KITLG: variants seen among roughly 807,000 people sequenced by gnomAD.
KITLG encodes c-Kit ligand.
Under a neutral mutation model 34.1 loss-of-function variants are expected in KITLG, and 13 were observed. That is an observed-to-expected ratio of 0.38 (90% CI 0.25 to 0.61). The LOEUF (loss-of-function observed/expected upper bound fraction) is 0.61. Ranked by LOEUF, KITLG falls within the 20% of genes least tolerant of loss-of-function variation. The pLI is 0.60. For synonymous variants in KITLG, 110 were observed against 104.0 expected, an observed-to-expected ratio of 1.06 and a Z score of -0.35; for missense variants, 292 against 318.9, an observed-to-expected ratio of 0.92 and a Z score of 0.64.
rs1869251744 is a variant in KITLG at position 88,510,889 on chromosome 12, A to G, written c.605-3752T>C. ...CCCCCTTTGTGCTACACCTAAAAAC[A>G]TTTGCATAATTCTATTATGATACAT... is the stretch of plus-strand genomic sequence containing the variant. On this transcript the variant is annotated intron_variant, in intron 6 of 9. Transcript: ENST00000644744. 2.6e-5 allele frequency among the ~76,000 whole-genome samples: 4 copies of G among 152,154 alleles called. No homozygotes were observed. In the South Asian group the frequency reaches 8.3e-4, roughly 31 times the overall value.
chr12:88,568,066 T>C (rs921705680), intron 1 of KITLG, among the ~76,000 whole-genome samples: 1 of 149,568 alleles, frequency 6.7e-6, no homozygotes, highest in East Asian at 2.0e-4. Context: ...GGCCTCTGAA[T>C]GGACAGTATA....
At chr12:88,500,873 G>A (rs1868825362) in intron 9 of KITLG, among the ~76,000 whole-genome samples, 2 of 152,154 alleles carry the variant, frequency 1.3e-5, no homozygotes, top group South Asian at 2.1e-4. Context: ...TCAACCTCTC[G>A]GGCTCAGGCA....
Position 88,545,789 on chromosome 12 carries a change from T to G in KITLG, c.92A>C (p.Asn31Thr), listed in dbSNP as rs1870699752. The change falls in exon 2 of 10, where the codon AAT becomes ACT. Residue 31 changes from asparagine to threonine, a missense_variant. Transcript: ENST00000644744. ...GTCTTTTACATTATTAGTCACACGATTCCTGCAGATCCCTTCAGTTTTGAC... is the reference window on the plus strand; with the variant it reads ...GTCTTTTACATTATTAGTCACACGAGTCCTGCAGATCCCTTCAGTTTTGAC... The part of the protein sequence containing the change: ...PLVKTEGICR[N>T]RVTNNVKDVT... 1 of 1,610,766 alleles carries G rather than the reference T, an allele frequency of 6.2e-7. No individual in the cohort carries two copies. Among genetic ancestry groups the G allele is most frequent in the Non-Finnish European group, 8.5e-7 (1 of 1,177,198 alleles).
chr12:88,494,693 A>C lies in KITLG; in HGVS notation c.*2526T>G, dbSNP rs147601058. The C allele has an allele frequency of 4.8e-3, 727 of 152,478 alleles. 7 individuals carry two copies. The highest frequency in any genetic ancestry group is 0.017 in the African/African-American group (713 of 41,542). The allele number at this position is 152,478 out of a possible 1,614,324, so 9.4% of individuals were successfully genotyped here. On this transcript the variant is annotated 3_prime_UTR_variant, in exon 10 of 10. Transcript: ENST00000644744. ...CCTGGTTTCTACCAAAGAGGTGCAA[A>C]GCTTTCAGTATCATTGAGAATCTAC...
At chr12:88,514,734 A>G (rs1275976069) in intron 6 of KITLG, among the ~76,000 whole-genome samples, 1 of 151,712 alleles carries the variant, frequency 6.6e-6, no homozygotes, top group African/African-American at 2.4e-5. Flanking sequence ...CATTGTAACA[A>G]GCTATTATGA....
Position 88,505,151 on chromosome 12 carries a change from A to C in KITLG, c.*37+8T>G. 1 of 1,452,998 alleles carries C rather than the reference A, an allele frequency of 6.9e-7. No homozygotes were observed. Among genetic ancestry groups the C allele is most frequent in the Non-Finnish European group, 9.6e-7 (1 of 1,040,606 alleles). 90.0% of individuals were successfully genotyped at this position (1,452,998 alleles called of 1,614,324 possible). A position where few individuals can be genotyped will look rare whatever the true frequency, so the allele number is the denominator to read the frequency against. Reference sequence around the variant, plus strand: ...AAGAAAAAAAAAGGAAAGAAGAAAAAAACTTACCAATGTACGAAAGTAACA... The same window carrying C: ...AAGAAAAAAAAAGGAAAGAAGAAAACAACTTACCAATGTACGAAAGTAACA... On this transcript the variant is annotated splice_region_variant and intron_variant, in intron 9 of 9. Coordinates refer to ENST00000644744, the MANE Select transcript of KITLG (RefSeq NM_000899.5).
Position 88,516,804 on chromosome 12 carries a change from A to C in KITLG, c.364-314T>G, listed in dbSNP as rs144001628. On this transcript the variant is annotated intron_variant, in intron 4 of 9. Coordinates refer to ENST00000644744, the MANE Select transcript of KITLG (RefSeq NM_000899.5). ...ATTAAAAACATGAGGGTTTATTTTTAAAAGACCCCTCCATTACAAGAACTT... is the reference window on the plus strand; with the variant it reads ...ATTAAAAACATGAGGGTTTATTTTTCAAAGACCCCTCCATTACAAGAACTT... Among the ~76,000 whole-genome samples, 245 of 149,176 alleles carry C rather than the reference A, an allele frequency of 1.6e-3. 1 individual carries two copies. The highest frequency in any genetic ancestry group is 5.6e-3 in the African/African-American group (231 of 41,268).
intron 7 of KITLG, among the ~76,000 whole-genome samples, chr12:88,506,628 T>A (rs1869072066): frequency 6.6e-6 from 1 of 152,212 alleles, no homozygotes; most frequent in African/African-American, 2.4e-5. Context: ...TCAAAAGACA[T>A]TTCAAGAAGC....
At chr12:88,508,205 A>G (rs1299126274) in intron 6 of KITLG, among the ~76,000 whole-genome samples, 1 of 152,036 alleles carries the variant, frequency 6.6e-6, no homozygotes, top group African/African-American at 2.4e-5. Context: ...AAAAAGGAGC[A>G]GAATGATTCA....
intron 1 of KITLG, among the ~76,000 whole-genome samples, chr12:88,561,179 G>T (rs1871287598): frequency 6.6e-6 from 1 of 152,086 alleles, no homozygotes; most frequent in Non-Finnish European, 1.5e-5. Flanking sequence ...GTAAATGGGT[G>T]TAATAACAGA....
At chr12:88,497,250 C>A (rs189212980) in intron 9 of KITLG, 69 bp from the exon 10 acceptor site, 38 of 351,438 alleles carry the variant, frequency 1.1e-4, no homozygotes, top group African/African-American at 6.9e-4. Context: ...ATCTCAATAG[C>A]CGAAATCATA....
At chr12:88,509,853 T>G (rs1046809452) in intron 6 of KITLG, among the ~76,000 whole-genome samples, 4 of 152,164 alleles carry the variant, frequency 2.6e-5, no homozygotes, top group Non-Finnish European at 5.9e-5. Flanking sequence ...CTTTCAATAC[T>G]TTCCACTGCA....
chr12:88,528,917 A>G (rs1592848109), intron 3 of KITLG, among the ~76,000 whole-genome samples: 1 of 152,332 alleles, frequency 6.6e-6, no homozygotes, highest in Non-Finnish European at 1.5e-5. Context: ...AAATTGAAAA[A>G]CGAATAAGAT....
At chr12:88,579,853 AG>A (rs1254122911) in intron 1 of KITLG, among the ~76,000 whole-genome samples, 3 of 152,164 alleles carry the variant, frequency 2.0e-5, no homozygotes, top group Non-Finnish European at 4.4e-5. Flanking sequence ...TGAGAGAGCT[AG>A]TGAGGGTGGC....
chr12:88,580,414 T>G lies in KITLG; in HGVS notation c.-136A>C, dbSNP rs1479780028. The G allele has an allele frequency of 1.6e-5, 16 of 1,025,274 alleles. No homozygotes were observed. Among genetic ancestry groups the G allele is most frequent in the South Asian group, 6.8e-5 (5 of 73,332 alleles). The allele number at this position is 1,025,274 out of a possible 1,614,324, so 63.5% of individuals were successfully genotyped here. A position where few individuals can be genotyped will look rare whatever the true frequency, so the allele number is the denominator to read the frequency against. On this transcript the variant is annotated 5_prime_UTR_variant, in exon 1 of 10. Transcript: ENST00000644744. ...TGGGTAGCCCGAGCGCAGCGCCCTC[T>G]CCACTGTCCCTGCTTCCCGCAGCGC...
chr12:88,536,458 C>G (rs1026781735), intron 2 of KITLG, among the ~76,000 whole-genome samples: 4 of 152,064 alleles, frequency 2.6e-5, no homozygotes, highest in Non-Finnish European at 4.4e-5. Context: ...CCAGAAATAC[C>G]ATTTGACCCA....
intron 2 of KITLG, among the ~76,000 whole-genome samples, chr12:88,543,222 AT>A (rs1215839676): frequency 1.3e-5 from 2 of 151,996 alleles, no homozygotes; most frequent in Non-Finnish European, 2.9e-5. Context: ...TCAGCTCGTC[AT>A]TTACATTAGG....
intron 2 of KITLG, among the ~76,000 whole-genome samples, chr12:88,541,833 A>G (rs1266952806): frequency 6.6e-6 from 1 of 152,208 alleles, no homozygotes; most frequent in Non-Finnish European, 1.5e-5. Context: ...AAAATTTGAC[A>G]TTAAAGTCAT....
intron 1 of KITLG, among the ~76,000 whole-genome samples, chr12:88,561,980 C>T (rs1871311548): frequency 6.6e-6 from 1 of 152,194 alleles, no homozygotes; most frequent in African/African-American, 2.4e-5. Context: ...CACAGTTTTG[C>T]TTTCCCTTAA....
Sources: gnomAD v4.1 joint callset for allele counts (sites outside exome capture counted in the v4.1 genomes callset) on GRCh38, gnomAD v4.1.1 for gene constraint, MANE v1.5 for transcripts, NCBI Gene and HGNC (gene_info 2026-07-23, HGNC 2026-07-21) for gene names.